SLC14A2: variants seen among roughly 807,000 people sequenced by gnomAD.
The protein encoded by SLC14A2 is urea transporter 2.
A neutral mutation model predicts 104.6 loss-of-function variants in SLC14A2; 91 were observed. That is an observed-to-expected ratio of 0.87 (90% CI 0.73 to 1.04). SLC14A2 has a LOEUF of 1.04. Among genes scored for constraint, SLC14A2 ranks in the 50% least tolerant of loss-of-function variants. SLC14A2 has a pLI of 0.00. For missense variants in SLC14A2, 1,189 were observed against 1,156.0 expected (o/e 1.03, Z -0.41); for synonymous variants, 476 against 466.4 (o/e 1.02, Z -0.27).
At chr18:45,461,081 C>T (rs1194181398) in intron 1 of SLC14A2, among the ~76,000 whole-genome samples, 1 of 152,104 alleles carries the variant, frequency 6.6e-6, no homozygotes, top group East Asian at 1.9e-4. Flanking sequence ...CTTTTCATTG[C>T]CCCCCAAAAC....
intron 9 of SLC14A2, 26 bp downstream of exon 9, chr18:45,643,207 A>G (rs1351375428): frequency 1.2e-6 from 2 of 1,604,706 alleles, no homozygotes; most frequent in East Asian, 2.2e-5. Flanking sequence ...CCTGAACACT[A>G]CCCCAAAGTG....
intron 1 of SLC14A2, among the ~76,000 whole-genome samples, chr18:45,415,285 C>G (rs1285605481): frequency 1.3e-5 from 2 of 152,042 alleles, no homozygotes; most frequent in Non-Finnish European, 2.9e-5. Flanking sequence ...GTGTTTCTAT[C>G]CTCATTCTCT....
At chr18:45,538,850 CTTTTTTTTTTTT>C (rs61475766) in intron 2 of SLC14A2, among the ~76,000 whole-genome samples, 1 of 105,268 alleles carries the variant, frequency 9.5e-6, no homozygotes, top group Non-Finnish European at 1.9e-5. Flanking sequence ...TCCCCCTTCC[CTTTTTTTTTTTT>C]TTTTTTTTTG....
At position 45,253,459 on chromosome 18, in the gene SLC14A2, C is replaced by T. The variant is rs552365820; in HGVS notation, c.-125+40268C>T. ...TGCTTCTTAAAATAGTTGCTCTCTGCATTATGCTGGATGCTTTGAAAAACA... is the reference window on the plus strand; with the variant it reads ...TGCTTCTTAAAATAGTTGCTCTCTGTATTATGCTGGATGCTTTGAAAAACA... On this transcript the variant is annotated intron_variant, in intron 1 of 20. Transcript: ENST00000586448. 2.8e-4 allele frequency among the ~76,000 whole-genome samples: 43 copies of T among 151,418 alleles called. 1 individual carries two copies. In the South Asian group the frequency reaches 8.3e-3, roughly 29 times the overall value.
At chr18:45,546,936 C>T (rs1190832202) in intron 2 of SLC14A2, among the ~76,000 whole-genome samples, 2 of 152,208 alleles carry the variant, frequency 1.3e-5, no homozygotes, top group Non-Finnish European at 2.9e-5. Flanking sequence ...ACTCTTGCCA[C>T]TGTTGGAAGG....
chr18:45,344,302 T>G (rs886228089), intron 1 of SLC14A2, among the ~76,000 whole-genome samples: 6 of 152,140 alleles, frequency 3.9e-5, no homozygotes, highest in African/African-American at 1.2e-4. Context: ...TGAAGTTCTC[T>G]AAGACCACAT....
intron 16 of SLC14A2, among the ~76,000 whole-genome samples, chr18:45,670,759 C>T (rs937450546): frequency 6.6e-6 from 1 of 152,172 alleles, no homozygotes; most frequent in African/African-American, 2.4e-5. Flanking sequence ...CTCCTGTGTT[C>T]AAGGGATCCT....
At chr18:45,176,169 A>G in the SLC14A2 span, among the ~76,000 whole-genome samples, 2 of 152,160 alleles carry the variant, frequency 1.3e-5, no homozygotes, top group African/African-American at 4.8e-5. Flanking sequence ...CACAGCTAAT[A>G]ATCACTAAGG....
intron 1 of SLC14A2, among the ~76,000 whole-genome samples, chr18:45,365,745 C>T (rs912331444): frequency 6.6e-6 from 1 of 152,132 alleles, no homozygotes; most frequent in African/African-American, 2.4e-5. Context: ...ACTTTAGAGC[C>T]AAGAGGCCTG....
intron 10 of SLC14A2, among the ~76,000 whole-genome samples, chr18:45,662,427 A>AC (rs2045950311): frequency 6.6e-6 from 1 of 152,100 alleles, no homozygotes; most frequent in African/African-American, 2.4e-5. Flanking sequence ...AGTGTGATCT[A>AC]CCCCAGTGCT....
intron 2 of SLC14A2, among the ~76,000 whole-genome samples, chr18:45,510,443 G>A (rs1055907976): frequency 3.3e-5 from 5 of 152,074 alleles, no homozygotes; most frequent in Admixed American, 1.3e-4. Flanking sequence ...CCCTCTATGC[G>A]GCTCCTACTG....
At chr18:45,546,133 T>C (rs565904353) in intron 2 of SLC14A2, among the ~76,000 whole-genome samples, 3 of 152,234 alleles carry the variant, frequency 2.0e-5, no homozygotes, top group Non-Finnish European at 4.4e-5. Flanking sequence ...ATGATGCCTG[T>C]GTTAGATACA....
rs369173950 is a variant in SLC14A2, at chr18:45,667,912, C to T, written c.1797C>T (p.Ser599=). The change falls in exon 14 of 20, where the codon AGC becomes AGT. Residue 599 remains serine, a synonymous_variant. Coordinates refer to ENST00000255226, the MANE Select transcript of SLC14A2 (RefSeq NM_007163.4). ...SQVMFVNNPL[S]GILIILGLFI... The stretch of plus-strand genomic sequence containing the variant: ...TGATGTTTGTGAACAACCCCCTCAG[C>T]GGCATCCTCATCATCCTCGGCCTCT... The T allele has an allele frequency of 4.8e-5, 77 of 1,613,940 alleles. No homozygotes were observed. Among genetic ancestry groups the T allele is most frequent in the Middle Eastern group, 1.6e-4 (1 of 6,084 alleles).
intron 1 of SLC14A2, among the ~76,000 whole-genome samples, chr18:45,474,189 T>C (rs1214056768): frequency 6.6e-6 from 1 of 152,220 alleles, no homozygotes; most frequent in Non-Finnish European, 1.5e-5. Context: ...TTTATTGATT[T>C]GTGTATATTG....
At chr18:45,466,861 A>T (rs2087152810) in intron 1 of SLC14A2, among the ~76,000 whole-genome samples, 1 of 152,114 alleles carries the variant, frequency 6.6e-6, no homozygotes, top group South Asian at 2.1e-4. Flanking sequence ...AATATTCTTC[A>T]TGTGCCCACT....
At chr18:45,518,747 T>G (rs2043476278) in intron 2 of SLC14A2, among the ~76,000 whole-genome samples, 1 of 152,184 alleles carries the variant, frequency 6.6e-6, no homozygotes, top group East Asian at 1.9e-4. Context: ...AAAATTGAAT[T>G]TTTTTTCTAA....
Position 45,682,806 on chromosome 18 carries a change from A to C in SLC14A2, c.*287A>C, listed in dbSNP as rs925859148. ...GAAATAAGCCTCATCCTTAAAGAGA[A>C]GTCACCGGCCGGGCACGGTGGCTCA... On this transcript the variant is annotated 3_prime_UTR_variant, in exon 20 of 20. Coordinates refer to ENST00000255226, the MANE Select transcript of SLC14A2 (RefSeq NM_007163.4). The C allele has an allele frequency of 1.4e-5, 5 of 356,452 alleles. No homozygotes were observed. Among genetic ancestry groups the C allele is most frequent in the Non-Finnish European group, 2.7e-5 (5 of 186,290 alleles). 22.1% of individuals were successfully genotyped at this position (356,452 alleles called of 1,614,324 possible).
intron 2 of SLC14A2, among the ~76,000 whole-genome samples, chr18:45,572,793 T>C (rs1011297173): frequency 6.6e-6 from 1 of 152,212 alleles, no homozygotes; most frequent in Non-Finnish European, 1.5e-5. Flanking sequence ...CTGTAACACT[T>C]ACAAATGGTG....
chr18:45,426,552 G>T (rs2086430172), intron 1 of SLC14A2, among the ~76,000 whole-genome samples: 1 of 150,674 alleles, frequency 6.6e-6, no homozygotes, highest in Non-Finnish European at 1.5e-5. Flanking sequence ...GCATGTGTGT[G>T]TGTGTGTGTG....
Sources: allele counts gnomAD v4.1 joint callset (sites outside exome capture counted in the v4.1 genomes callset), GRCh38; gene constraint gnomAD v4.1.1; transcripts MANE v1.5; gene names NCBI Gene and HGNC (gene_info 2026-07-23, HGNC 2026-07-21).